Variants in TRIM44 observed in about 807,000 individuals in gnomAD.
TRIM44 encodes tripartite motif containing 44.
A neutral mutation model predicts 37.4 loss-of-function variants in TRIM44; 13 were observed. The ratio of observed to expected loss-of-function variants is 0.35; its 90% CI spans 0.23 to 0.55. The LOEUF (loss-of-function observed/expected upper bound fraction) is 0.55. Among genes scored for constraint, TRIM44 ranks in the 20% least tolerant of loss-of-function variants. TRIM44 has a pLI of 0.89. For missense variants in TRIM44, 426 were observed against 437.2 expected (o/e 0.97, Z 0.23); for synonymous variants, 175 against 157.2 (o/e 1.11, Z -0.85).
chr11:35,674,284 A>C (rs1442802500), intron 1 of TRIM44, among the ~76,000 whole-genome samples: 1 of 151,894 alleles, frequency 6.6e-6, no homozygotes, highest in East Asian at 1.9e-4. Context: ...GCGTGTATGT[A>C]TATATCGCTA....
At chr11:35,755,226 G>A (rs1258375011) in intron 4 of TRIM44, among the ~76,000 whole-genome samples, 1 of 152,166 alleles carries the variant, frequency 6.6e-6, no homozygotes, top group Non-Finnish European at 1.5e-5. Flanking sequence ...ATCTCATTGT[G>A]GTTTTGATTT....
At chr11:35,683,980 C>T (rs1851547267) in intron 1 of TRIM44, among the ~76,000 whole-genome samples, 1 of 152,120 alleles carries the variant, frequency 6.6e-6, no homozygotes, top group Non-Finnish European at 1.5e-5. Flanking sequence ...AGTACCTTGA[C>T]ATACATTAAC....
chr11:35,688,726 C>T (rs1851608641), intron 2 of TRIM44, among the ~76,000 whole-genome samples: 2 of 152,130 alleles, frequency 1.3e-5, no homozygotes, highest in African/African-American at 4.8e-5. Context: ...TGAAAATCAC[C>T]CAGAAGACGT....
At chr11:35,784,161 T>TA (rs1205473953) in intron 4 of TRIM44, among the ~76,000 whole-genome samples, 3 of 152,054 alleles carry the variant, frequency 2.0e-5, no homozygotes, top group African/African-American at 7.2e-5. Flanking sequence ...AGGGCAGGAG[T>TA]ACTCAGCTAT....
At chr11:35,725,500 G>GT (rs1554931079) in intron 2 of TRIM44, among the ~76,000 whole-genome samples, 1 of 151,790 alleles carries the variant, frequency 6.6e-6, no homozygotes, top group Non-Finnish European at 1.5e-5. Flanking sequence ...TGCCCAGCAA[G>GT]TTTTTTTGTA....
At chr11:35,702,889 G>A (rs1161590650) in intron 2 of TRIM44, among the ~76,000 whole-genome samples, 1 of 152,238 alleles carries the variant, frequency 6.6e-6, no homozygotes, top group Non-Finnish European at 1.5e-5. Context: ...TCACTAGGGA[G>A]TGCCAGACAG....
At chr11:35,770,168 G>C (rs1238548835) in intron 4 of TRIM44, among the ~76,000 whole-genome samples, 1 of 152,148 alleles carries the variant, frequency 6.6e-6, no homozygotes, top group African/African-American at 2.4e-5. Flanking sequence ...TTTGGTTTTT[G>C]TTCCTGTGTT....
chr11:35,753,711 A>G (rs1400635937), intron 4 of TRIM44, among the ~76,000 whole-genome samples: 1 of 152,162 alleles, frequency 6.6e-6, no homozygotes, highest in African/African-American at 2.4e-5. Context: ...TGGGATGAGA[A>G]TATAGTTGCC....
chr11:35,797,480 GA>G (rs1853308672), intron 4 of TRIM44, among the ~76,000 whole-genome samples: 1 of 152,190 alleles, frequency 6.6e-6, no homozygotes, highest in Non-Finnish European at 1.5e-5. Context: ...TGGGAAAAAA[GA>G]GTAGCCATAC....
intron 4 of TRIM44, among the ~76,000 whole-genome samples, chr11:35,758,682 T>G (rs1282800909): frequency 6.6e-6 from 1 of 152,172 alleles, no homozygotes; most frequent in Admixed American, 6.5e-5. Context: ...GGAGCTCTTT[T>G]AGGGCAGGCT....
At chr11:35,770,942 C>T (rs1228399276) in intron 4 of TRIM44, among the ~76,000 whole-genome samples, 1 of 152,142 alleles carries the variant, frequency 6.6e-6, no homozygotes, top group Non-Finnish European at 1.5e-5. Context: ...GAACGCTAAG[C>T]CCAATTAACT....
At chr11:35,746,397 A>G (rs930631625) in intron 4 of TRIM44, among the ~76,000 whole-genome samples, 1 of 150,422 alleles carries the variant, frequency 6.6e-6, no homozygotes, top group African/African-American at 2.4e-5. Context: ...AGTGAGAGGC[A>G]GGCAAGAGGT....
Position 35,810,284 on chromosome 11 carries a change from A to C in TRIM44, c.*3899A>C, listed in dbSNP as rs1853512847. On this transcript the variant is annotated 3_prime_UTR_variant, in exon 5 of 5. Coordinates refer to ENST00000299413, the MANE Select transcript of TRIM44 (RefSeq NM_017583.6). ...AGAAAATATTCTCTTGCCATTCCTG[A>C]AATTCCACATTCATATAATGGCTGT... The C allele has an allele frequency of 1.3e-5, 2 of 152,156 alleles. No homozygotes were observed. Among genetic ancestry groups the C allele is most frequent in the Admixed American group, 1.3e-4 (2 of 15,266 alleles). The allele number at this position is 152,156 out of a possible 1,614,324, so 9.4% of individuals were successfully genotyped here.
intron 4 of TRIM44, among the ~76,000 whole-genome samples, chr11:35,802,394 G>C (rs544603422): frequency 6.6e-6 from 1 of 152,174 alleles, no homozygotes; most frequent in Non-Finnish European, 1.5e-5. Context: ...TCAGAAGGGT[G>C]AGTGAGAGTA....
intron 4 of TRIM44, among the ~76,000 whole-genome samples, chr11:35,783,964 C>T (rs1853096863): frequency 6.6e-6 from 1 of 152,180 alleles, no homozygotes; most frequent in Admixed American, 6.5e-5. Flanking sequence ...TACTTGGTGG[C>T]AGCAGTCACC....
intron 4 of TRIM44, among the ~76,000 whole-genome samples, chr11:35,803,325 T>G (rs1160801425): frequency 6.6e-6 from 1 of 151,684 alleles, no homozygotes. Context: ...CCACTCCAGT[T>G]GTAAGTCTAA....
intron 3 of TRIM44, among the ~76,000 whole-genome samples, chr11:35,726,711 GAC>G (rs1237946183): frequency 1.3e-5 from 2 of 151,100 alleles, no homozygotes; most frequent in African/African-American, 4.9e-5. Flanking sequence ...ATGAATGAAA[GAC>G]ACAAGGTAAA....
At chr11:35,755,858 G>A (rs1273776801) in intron 4 of TRIM44, among the ~76,000 whole-genome samples, 4 of 151,712 alleles carry the variant, frequency 2.6e-5, no homozygotes, top group South Asian at 2.1e-4. Flanking sequence ...TGTTCCATTG[G>A]TCTATATCTC....
intron 1 of TRIM44, among the ~76,000 whole-genome samples, chr11:35,664,807 C>G (rs955856128): frequency 2.0e-4 from 30 of 152,218 alleles, no homozygotes; most frequent in Admixed American, 1.3e-4. Flanking sequence ...TAGAACATTA[C>G]TAGCAATATT....
Sources: gnomAD v4.1 joint callset for allele counts (sites outside exome capture counted in the v4.1 genomes callset) on GRCh38, gnomAD v4.1.1 for gene constraint, MANE v1.5 for transcripts, NCBI Gene and HGNC (gene_info 2026-07-23, HGNC 2026-07-21) for gene names.